The following ABCA13 variants were observed in gnomAD, a reference collection of about 807,000 sequenced individuals.
ABCA13 encodes ATP-binding cassette sub-family A member 13.
A neutral mutation model predicts 478.7 loss-of-function variants in ABCA13; 476 were observed. The observed-to-expected ratio is 0.99, with a 90% CI of 0.92 to 1.07. The LOEUF is 1.07. Ranked by LOEUF, ABCA13 falls within the 50% of genes least tolerant of loss-of-function variation. The pLI is 0.00. For missense variants in ABCA13, 6,060 were observed against 5,910.6 expected (o/e 1.03, Z -0.83); for synonymous variants, 2,252 against 2,158.9 (o/e 1.04, Z -1.20).
intron 47 of ABCA13, among the ~76,000 whole-genome samples, chr7:48,488,206 G>A (rs967517730): frequency 3.3e-5 from 5 of 151,888 alleles, no homozygotes; most frequent in African/African-American, 1.2e-4. Flanking sequence ...AGAAGGAATT[G>A]GGGAACATTG....
At chr7:48,278,028 C>T (rs1584584624) in intron 17 of ABCA13, 66 bp from the exon 18 acceptor site, 3 of 535,926 alleles carry the variant, frequency 5.6e-6, no homozygotes, top group Non-Finnish European at 8.1e-6. Context: ...CACTATGTAT[C>T]TTAATATTTC....
chr7:48,333,657 G>A (rs1805763102), intron 27 of ABCA13, among the ~76,000 whole-genome samples: 1 of 152,172 alleles, frequency 6.6e-6, no homozygotes, highest in South Asian at 2.1e-4. Flanking sequence ...TCCAATAAGA[G>A]TTTAATTTTG....
intron 41 of ABCA13, among the ~76,000 whole-genome samples, chr7:48,413,757 AT>A (rs1819580209): frequency 6.6e-6 from 1 of 152,244 alleles, no homozygotes; most frequent in Non-Finnish European, 1.5e-5. Flanking sequence ...TCTGGAATAA[AT>A]AGTCATAAAA....
At chr7:48,205,941 C>T (rs1227813753) in intron 3 of ABCA13, among the ~76,000 whole-genome samples, 1 of 152,120 alleles carries the variant, frequency 6.6e-6, no homozygotes, top group Non-Finnish European at 1.5e-5. Flanking sequence ...TGTCTATGCA[C>T]CTGTGTAACC....
intron 20 of ABCA13, among the ~76,000 whole-genome samples, chr7:48,289,399 C>G (rs1798202776): frequency 6.8e-6 from 1 of 147,344 alleles, no homozygotes; most frequent in Admixed American, 6.8e-5. Flanking sequence ...TGCACTGTTG[C>G]CTGGGCTGGA....
At chr7:48,248,876 C>T (rs922930368) in intron 14 of ABCA13, among the ~76,000 whole-genome samples, 3 of 152,104 alleles carry the variant, frequency 2.0e-5, no homozygotes, top group Non-Finnish European at 4.4e-5. Flanking sequence ...GGATGTTCTT[C>T]GTCAAATATG....
At chr7:48,645,394 A>C in intron 61 of ABCA13, 23 bp from the exon 62 acceptor site, 2 of 1,534,450 alleles carry the variant, frequency 1.3e-6, no homozygotes, top group Non-Finnish European at 8.8e-7. Flanking sequence ...ATAAGTAAAC[A>C]ACATTTTTAT....
intron 41 of ABCA13, among the ~76,000 whole-genome samples, chr7:48,423,389 A>T (rs1433510): frequency 0.28 from 41,864 of 152,168 alleles, 5,915 homozygotes; most frequent in East Asian, 0.37. Context: ...GTCAGCTTCA[A>T]AAATTTCTCT....
At chr7:48,364,528 G>A (rs967952449) in intron 31 of ABCA13, among the ~76,000 whole-genome samples, 1 of 151,946 alleles carries the variant, frequency 6.6e-6, no homozygotes, top group African/African-American at 2.4e-5. Flanking sequence ...CCCTCCATTT[G>A]TACACACTAA....
At chr7:48,492,712 AC>A (rs1168940538) in intron 48 of ABCA13, among the ~76,000 whole-genome samples, 2 of 152,014 alleles carry the variant, frequency 1.3e-5, no homozygotes, top group Non-Finnish European at 2.9e-5. Flanking sequence ...GTAAGAAATA[AC>A]TTTTTTCCTT....
At chr7:48,451,720 G>A (rs1027167982) in intron 42 of ABCA13, among the ~76,000 whole-genome samples, 2 of 152,148 alleles carry the variant, frequency 1.3e-5, no homozygotes, top group African/African-American at 4.8e-5. Context: ...GGATGAACTG[G>A]GTAGTGTGGA....
chr7:48,267,963 A>G (rs1795080187), intron 15 of ABCA13, among the ~76,000 whole-genome samples: 1 of 152,042 alleles, frequency 6.6e-6, no homozygotes, highest in African/African-American at 2.4e-5. Context: ...TCTCGTTTTT[A>G]AGATTTGTTA....
intron 3 of ABCA13, among the ~76,000 whole-genome samples, chr7:48,205,397 C>T (rs1784796639): frequency 6.6e-6 from 1 of 152,088 alleles, no homozygotes; most frequent in South Asian, 2.1e-4. Flanking sequence ...TTTGTAATCC[C>T]ATTGTGACAT....
chr7:48,479,809 T>A (rs968524466), intron 45 of ABCA13, among the ~76,000 whole-genome samples: 3 of 152,204 alleles, frequency 2.0e-5, no homozygotes, highest in Admixed American at 1.3e-4. Flanking sequence ...ACCCTGAAAG[T>A]AGTATCTTAA....
chr7:48,425,655 T>C (rs1000619676), intron 41 of ABCA13, among the ~76,000 whole-genome samples: 1 of 152,220 alleles, frequency 6.6e-6, no homozygotes, highest in Non-Finnish European at 1.5e-5. Flanking sequence ...ATTGCCAGCA[T>C]GCTACATGCC....
intron 35 of ABCA13, among the ~76,000 whole-genome samples, chr7:48,382,320 A>G (rs1814520059): frequency 6.6e-6 from 1 of 152,202 alleles, no homozygotes; most frequent in South Asian, 2.1e-4. Context: ...CCCCTGCATG[A>G]CAGTCTTCCC....
At chr7:48,286,587 C>T (rs937220358) in intron 19 of ABCA13, among the ~76,000 whole-genome samples, 1 of 152,084 alleles carries the variant, frequency 6.6e-6, no homozygotes, top group Non-Finnish European at 1.5e-5. Context: ...TCATTGCAAC[C>T]TCTACCTCCT....
rs1795415940 is a variant in ABCA13 at position 48,646,037 on chromosome 7, A to G, written c.*525A>G. On this transcript the variant is annotated 3_prime_UTR_variant, in exon 62 of 62. Transcript: ENST00000435803. ...TTAATGTAAGCTTTTATTAATACTG[A>G]TGACATTATATGGTATGATATGAAA... 1 of 152,946 alleles carries G rather than the reference A, an allele frequency of 6.5e-6. No individual in the cohort carries two copies. Among genetic ancestry groups the G allele is most frequent in the South Asian group, 2.1e-4 (1 of 4,866 alleles). The allele number at this position is 152,946 out of a possible 1,614,324, so 9.5% of individuals were successfully genotyped here. A position where few individuals can be genotyped will look rare whatever the true frequency, so the allele number is the denominator to read the frequency against.
At chr7:48,549,377 C>G (rs576818814) in intron 55 of ABCA13, among the ~76,000 whole-genome samples, 175 of 151,912 alleles carry the variant, frequency 1.2e-3, no homozygotes, top group African/African-American at 4.0e-3. Flanking sequence ...ATCCATGTCC[C>G]TGCAAAAGGA....
Sources: gnomAD v4.1 joint callset for allele counts (sites outside exome capture counted in the v4.1 genomes callset) on GRCh38, gnomAD v4.1.1 for gene constraint, MANE v1.5 for transcripts, NCBI Gene and HGNC (gene_info 2026-07-23, HGNC 2026-07-21) for gene names.